REDIC1: variants seen among roughly 807,000 people sequenced by gnomAD.
REDIC1 encodes regulator of DNA class I crossover intermediates 1.
chr12:39,796,978 ATTTGT>A, the REDIC1 span, among the ~76,000 whole-genome samples: 5 of 152,304 alleles, frequency 3.3e-5, no homozygotes, highest in Admixed American at 1.3e-4. Flanking sequence ...TAGAAAAATA[ATTTGT>A]TTTATGTTCG....
the REDIC1 span, among the ~76,000 whole-genome samples, chr12:39,713,428 ATATGTG>A: frequency 2.5e-4 from 2 of 8,042 alleles, no homozygotes; most frequent in African/African-American, 4.1e-4. Flanking sequence ...ACATATGTAT[ATATGTG>A]TACATATACA....
At chr12:39,628,486 A>AC in the REDIC1 span, among the ~76,000 whole-genome samples, 1 of 151,998 alleles carries the variant, frequency 6.6e-6, no homozygotes, top group South Asian at 2.1e-4. Flanking sequence ...AGTTCTTTTT[A>AC]CCCCCCTCCA....
chr12:39,842,787 C>T, the REDIC1 span, among the ~76,000 whole-genome samples: 1 of 151,940 alleles, frequency 6.6e-6, no homozygotes, highest in Admixed American at 6.6e-5. Context: ...CACTTTTCAT[C>T]ACCCCCTGGC....
chr12:39,713,249 CACACAT>C, the REDIC1 span, among the ~76,000 whole-genome samples: 67 of 119,398 alleles, frequency 5.6e-4, no homozygotes, highest in South Asian at 9.8e-4. Flanking sequence ...TATGTGTACA[CACACAT>C]ACGTGTATAT....
the REDIC1 span, among the ~76,000 whole-genome samples, chr12:39,700,855 GA>G: frequency 6.6e-6 from 1 of 152,040 alleles, no homozygotes; most frequent in African/African-American, 2.4e-5. Flanking sequence ...AAGTGAAGGA[GA>G]AATCAAATCC....
the REDIC1 span, among the ~76,000 whole-genome samples, chr12:39,838,678 A>G: frequency 6.6e-6 from 1 of 152,168 alleles, no homozygotes; most frequent in African/African-American, 2.4e-5. Context: ...AGGATGGCCT[A>G]TTTTCATTCA....
At chr12:39,681,366 A>C in the REDIC1 span, among the ~76,000 whole-genome samples, 17 of 152,220 alleles carry the variant, frequency 1.1e-4, no homozygotes, top group African/African-American at 3.9e-4. Context: ...CATTGGGTAC[A>C]GTGTACACTG....
the REDIC1 span, among the ~76,000 whole-genome samples, chr12:39,704,996 G>A: frequency 2.5e-3 from 385 of 151,854 alleles, 1 homozygote; most frequent in African/African-American, 8.4e-3. Flanking sequence ...TGGGTGCAGT[G>A]CACCAACATG....
chr12:39,650,458 C>A, the REDIC1 span: 2 of 1,443,424 alleles, frequency 1.4e-6, no homozygotes, highest in Non-Finnish European at 1.8e-6. This position sits in a 1 kb window ranked among gnomAD's most constrained non-coding sequence, Gnocchi z 4.3. Flanking sequence ...AAAATATAAA[C>A]AGTCCTAAGT....
At chr12:39,859,506 T>G in the REDIC1 span, among the ~76,000 whole-genome samples, 1 of 151,914 alleles carries the variant, frequency 6.6e-6, no homozygotes, top group Non-Finnish European at 1.5e-5. Context: ...TGGTTAAGAC[T>G]CTTAATTGAG....
chr12:39,820,717 T>TCATA, the REDIC1 span, among the ~76,000 whole-genome samples: 1 of 132,668 alleles, frequency 7.5e-6, no homozygotes. Flanking sequence ...ATTTTTAAAT[T>TCATA]TATATATATA....
chr12:39,906,765 T>C, the REDIC1 span, among the ~76,000 whole-genome samples: 4 of 152,080 alleles, frequency 2.6e-5, no homozygotes, highest in Non-Finnish European at 4.4e-5. Flanking sequence ...GGGGGATTCA[T>C]AGGTCTTCTA....
the REDIC1 span, among the ~76,000 whole-genome samples, chr12:39,711,837 GTGTA>G: frequency 0.07 from 6,994 of 99,284 alleles, 373 homozygotes; most frequent in Middle Eastern, 0.12. Context: ...GTGTATATGT[GTGTA>G]TACACATGCA....
the REDIC1 span, among the ~76,000 whole-genome samples, chr12:39,719,713 A>G: frequency 6.6e-6 from 1 of 152,178 alleles, no homozygotes; most frequent in Non-Finnish European, 1.5e-5. Flanking sequence ...GTATAACTCA[A>G]ATTGCATCAC....
At chr12:39,734,485 T>A in the REDIC1 span, among the ~76,000 whole-genome samples, 1 of 152,234 alleles carries the variant, frequency 6.6e-6, no homozygotes, top group Non-Finnish European at 1.5e-5. Context: ...TCTCCTGCTT[T>A]TTCTTCCTGA....
the REDIC1 span, among the ~76,000 whole-genome samples, chr12:39,776,439 G>A: frequency 0.047 from 7,167 of 152,284 alleles, 588 homozygotes; most frequent in African/African-American, 0.16. Context: ...CCTAGGAAGC[G>A]GCTTGGCAAG....
chr12:39,874,075 C>T, the REDIC1 span, among the ~76,000 whole-genome samples: 137 of 152,242 alleles, frequency 9.0e-4, no homozygotes, highest in African/African-American at 3.1e-3. Context: ...TTTAATATCA[C>T]GACACATAAA....
the REDIC1 span, among the ~76,000 whole-genome samples, chr12:39,858,423 G>T: frequency 6.6e-6 from 1 of 151,922 alleles, no homozygotes; most frequent in Non-Finnish European, 1.5e-5. Flanking sequence ...AATTGAAACA[G>T]ATTCATTTTA....
the REDIC1 span, chr12:39,871,987 G>T: frequency 6.6e-7 from 1 of 1,507,958 alleles, no homozygotes; most frequent in Non-Finnish European, 8.9e-7. Context: ...TAAAACAATT[G>T]CTATTGATAG....
Sources: allele counts gnomAD v4.1 joint callset (sites outside exome capture counted in the v4.1 genomes callset), GRCh38; gene constraint gnomAD v4.1.1; non-coding constraint Gnocchi (gnomAD v3.1); transcripts MANE v1.5; gene names NCBI Gene and HGNC (gene_info 2026-07-23, HGNC 2026-07-21).